Variants in PHC2 observed in about 807,000 individuals in gnomAD.
PHC2 encodes the protein polyhomeotic-like protein 2.
In PHC2, 29 loss-of-function variants were observed where a neutral mutation model predicts 87.4. The ratio of observed to expected loss-of-function variants is 0.33; its 90% CI spans 0.25 to 0.45. The LOEUF is 0.45. Ranked by LOEUF, PHC2 falls within the 20% of genes least tolerant of loss-of-function variation. PHC2 has a pLI of 1.00. For synonymous variants in PHC2, 438 were observed against 461.7 expected, an observed-to-expected ratio of 0.95 and a Z score of 0.66; for missense variants, 857 against 1,136.7, an observed-to-expected ratio of 0.75 and a Z score of 3.54.
intron 1 of PHC2, among the ~76,000 whole-genome samples, chr1:33,414,092 T>G (rs984748226): frequency 6.6e-6 from 1 of 152,114 alleles, no homozygotes; most frequent in African/African-American, 2.4e-5. Context: ...AGGGCTGTTA[T>G]GAAGATTAAA....
Position 33,329,074 on chromosome 1 carries a change from A to G in PHC2, c.2221T>C (p.Cys741Arg). The G allele has an allele frequency of 6.2e-7, 1 of 1,614,196 alleles. No individual in the cohort carries two copies. The highest frequency in any genetic ancestry group is 8.5e-7 in the Non-Finnish European group (1 of 1,180,030). Reference protein sequence around the residue: ...LTHSQEDSSRCSDNSSYEEPL... With the variant: ...LTHSQEDSSRRSDNSSYEEPL... Reference sequence around the variant, plus strand: ...TCCTCATAGCTTGAGTTATCTGAGCAACGGCTGGAGTCTTCCTGGCTGTGT... The same window carrying G: ...TCCTCATAGCTTGAGTTATCTGAGCGACGGCTGGAGTCTTCCTGGCTGTGT... Residue 741 changes from cysteine (C) to arginine (R), a missense_variant, in exon 14 of 15, where the codon TGC (cysteine) becomes CGC (arginine). By Grantham distance (180) the Cys-to-Arg change is radical (BLOSUM62 -3). Coordinates refer to ENST00000683057, the MANE Select transcript of PHC2 (RefSeq NM_001385109.1).
rs560050236 is a variant in PHC2, at chr1:33,381,638, G to A, written c.-54-6045C>T. On this transcript the variant is annotated intron_variant, in intron 1 of 14. Transcript: ENST00000683057. ...CCAAGTCCGACTCCAAAGCCAGAGC[G>A]CTTCCCATGATCCTCTCTGCAACTT... 2.5e-4 allele frequency among the ~76,000 whole-genome samples: 38 copies of A among 151,088 alleles called. 1 individual carries two copies. The highest frequency in any genetic ancestry group is 1.5e-3 in the Admixed American group (23 of 15,096).
At chr1:33,422,515 C>T (rs1650470376) in intron 1 of PHC2, among the ~76,000 whole-genome samples, 1 of 152,180 alleles carries the variant, frequency 6.6e-6, no homozygotes, top group Admixed American at 6.5e-5. Flanking sequence ...TACAATACAC[C>T]CTTCCAACTG....
intron 1 of PHC2, among the ~76,000 whole-genome samples, chr1:33,377,692 T>C (rs1648255976): frequency 6.6e-6 from 1 of 151,834 alleles, no homozygotes. Context: ...ACCCATTTAA[T>C]AGGTGAAGAA....
Position 33,382,492 on chromosome 1 carries a change from C to T in PHC2, c.-54-6899G>A, listed in dbSNP as rs377422960. ...TCTTCCCCAAGGCCACCCATCCCTG[C>T]GGACTCCCATTATAAATCACAGCCA... On this transcript the variant is annotated intron_variant, in intron 1 of 14. Coordinates refer to ENST00000683057, the MANE Select transcript of PHC2 (RefSeq NM_001385109.1). The surrounding 1 kb of genome is among the most constrained non-coding windows in gnomAD (Gnocchi z 4.3). Among the ~76,000 whole-genome samples, 84 of 152,242 alleles carry T rather than the reference C, an allele frequency of 5.5e-4. No homozygotes were observed. The highest frequency in any genetic ancestry group is 1.9e-3 in the African/African-American group (79 of 41,538).
At chr1:33,333,895 T>G in intron 10 of PHC2, 195 bp downstream of exon 10, 1 of 576,762 alleles carries the variant, frequency 1.7e-6, no homozygotes, top group Non-Finnish European at 3.0e-6. Flanking sequence ...TTATTCCTGA[T>G]CACTGACCCC....
chr1:33,390,817 T>C (rs2148360970), intron 1 of PHC2, among the ~76,000 whole-genome samples: 1 of 152,270 alleles, frequency 6.6e-6, no homozygotes, highest in South Asian at 2.1e-4. Context: ...TAAATACTAT[T>C]CTTAGTTTGA....
chr1:33,389,720 T>A (rs1648953155), intron 1 of PHC2, among the ~76,000 whole-genome samples: 1 of 152,226 alleles, frequency 6.6e-6, no homozygotes, highest in South Asian at 2.1e-4. Context: ...GTGGTCAGCC[T>A]GTGATCTACT....
intron 7 of PHC2, 26 bp downstream of exon 7, chr1:33,367,090 G>T: frequency 1.3e-6 from 2 of 1,569,156 alleles, no homozygotes; most frequent in Non-Finnish European, 1.7e-6. Flanking sequence ...TTCTGGGAAA[G>T]GATTCCTGCT....
chr1:33,331,556 TG>T lies in PHC2; in HGVS notation c.1892-95del, dbSNP rs1646497989. On this transcript the variant is annotated intron_variant, in intron 11 of 14. Coordinates refer to ENST00000683057, the MANE Select transcript of PHC2 (RefSeq NM_001385109.1). The surrounding 1 kb of genome is among the most constrained non-coding windows in gnomAD (Gnocchi z 5.2). ...CGGGGCCTCCCTACTCCATCCTGCC[TG>T]GTCCTCCTGCTCCCACAGCTGTGAC... 1 of 704,392 alleles carries T rather than the reference TG, an allele frequency of 1.4e-6. No homozygotes were observed. Among genetic ancestry groups the T allele is most frequent in the Middle Eastern group, 4.0e-4 (1 of 2,472 alleles). The allele number at this position is 704,392 out of a possible 1,614,324, so 43.6% of individuals were successfully genotyped here.
chr1:33,335,999 T>G lies in PHC2; in HGVS notation c.1559-1707A>C, dbSNP rs112114521. Among the ~76,000 whole-genome samples the G allele has an allele frequency of 7.7e-3, 1,028 of 133,296 alleles. 27 individuals are homozygous for G. The East Asian group carries it at 0.087, about 11-fold the overall frequency. The allele number at this position is 133,296 out of a possible 152,430, so 87.4% of individuals were successfully genotyped here. On this transcript the variant is annotated intron_variant, in intron 9 of 14. Transcript: ENST00000683057. The stretch of plus-strand genomic sequence containing the variant: ...TTTTGTTGTTGTTGTTGTTGTTGTT[T>G]TTTTTTTTAGATGGAGTCTCACTCT...
rs935484511 is a variant in PHC2 at position 33,346,382 on chromosome 1, G to A, written c.1558+8019C>T. ...CATGATCATCTTTCAGTAGCAAAAT[G>A]GCACAAAACAAAGGGAATAAAAGAG... is the stretch of plus-strand genomic sequence containing the variant. On this transcript the variant is annotated intron_variant, in intron 9 of 14. Coordinates refer to ENST00000683057, the MANE Select transcript of PHC2 (RefSeq NM_001385109.1). 1.2e-5 allele frequency: 12 copies of A among 985,232 alleles called. No homozygotes were observed. In the East Asian group the frequency reaches 1.4e-3, roughly 112 times the overall value. The allele number at this position is 985,232 out of a possible 1,614,324, so 61.0% of individuals were successfully genotyped here. A position where few individuals can be genotyped will look rare whatever the true frequency, so the allele number is the denominator to read the frequency against.
intron 14 of PHC2, chr1:33,326,012 CTG>C (rs2148178506): frequency 5.2e-6 from 2 of 383,630 alleles, no homozygotes; most frequent in Non-Finnish European, 1.1e-5. Flanking sequence ...AACAGGGTCT[CTG>C]TTATGAAATA....
rs913041248 is a variant in PHC2, at chr1:33,420,381, G to A, written c.-55+10595C>T. Among the ~76,000 whole-genome samples, 6 of 152,116 alleles carry A rather than the reference G, an allele frequency of 3.9e-5. No homozygotes were observed. The East Asian group carries it at 7.7e-4, about 20-fold the overall frequency. On this transcript the variant is annotated intron_variant, in intron 1 of 14. Transcript: ENST00000683057. ...TGATTCAAATAAAACAGCTTACTAA[G>A]GTCGCTAGTAAGAATCAAGAAGATA...
intron 9 of PHC2, among the ~76,000 whole-genome samples, chr1:33,339,204 C>T (rs967270450): frequency 6.6e-6 from 1 of 152,170 alleles, no homozygotes; most frequent in Non-Finnish European, 1.5e-5. Flanking sequence ...GGGGCTAACC[C>T]CATGTCCAAA....
intron 9 of PHC2, among the ~76,000 whole-genome samples, chr1:33,341,606 C>A (rs576855965): frequency 6.6e-6 from 1 of 152,194 alleles, no homozygotes; most frequent in African/African-American, 2.4e-5. Context: ...GAGGGCAAAA[C>A]ATGCTATTAT....
chr1:33,418,284 T>G (rs1252017522), intron 1 of PHC2, among the ~76,000 whole-genome samples: 2 of 152,018 alleles, frequency 1.3e-5, no homozygotes, highest in African/African-American at 4.8e-5. Context: ...AATGAAAAGC[T>G]GGCTCTTTGA....
intron 1 of PHC2, among the ~76,000 whole-genome samples, chr1:33,390,480 T>C (rs1648993245): frequency 6.6e-6 from 1 of 152,166 alleles, no homozygotes; most frequent in Admixed American, 6.5e-5. Flanking sequence ...TGGTCAAGTA[T>C]AAAAGTCCAT....
intron 9 of PHC2, among the ~76,000 whole-genome samples, chr1:33,338,771 A>G (rs1325468419): frequency 6.6e-6 from 1 of 152,200 alleles, no homozygotes; most frequent in Admixed American, 6.5e-5. Flanking sequence ...GCATTCCCAC[A>G]GGTCTCAAAT....
Sources: allele counts gnomAD v4.1 joint callset (sites outside exome capture counted in the v4.1 genomes callset), GRCh38; gene constraint gnomAD v4.1.1; non-coding constraint Gnocchi (gnomAD v3.1); transcripts MANE v1.5; gene names NCBI Gene and HGNC (gene_info 2026-07-23, HGNC 2026-07-21).